CLASP1: variants seen among roughly 807,000 people sequenced by gnomAD.
The protein encoded by CLASP1 is CLIP-associating protein 1.
A neutral mutation model predicts 192.3 loss-of-function variants in CLASP1; 38 were observed. That is an observed-to-expected ratio of 0.20 (90% CI 0.15 to 0.26). The LOEUF is 0.26. CLASP1 is among the 10% of genes least tolerant of loss of function. The pLI, the probability that CLASP1 is intolerant of heterozygous loss-of-function variation, is 1.00. For synonymous variants in CLASP1, 691 were observed against 712.8 expected, an observed-to-expected ratio of 0.97 and a Z score of 0.49; for missense variants, 1,433 against 1,932.5, an observed-to-expected ratio of 0.74 and a Z score of 4.85.
intron 2 of CLASP1, chr2:121,531,029 C>CTTATCA (rs1311765177): frequency 3.4e-5 from 24 of 700,076 alleles, no homozygotes; most frequent in Admixed American, 6.0e-5. Flanking sequence ...TTTTCATAGA[C>CTTATCA]TTATCAGTTC....
intron 2 of CLASP1, among the ~76,000 whole-genome samples, chr2:121,582,582 A>C (rs1386837583): frequency 1.3e-5 from 2 of 150,758 alleles, no homozygotes; most frequent in Admixed American, 1.3e-4. Context: ...AAAGACAGGA[A>C]GACAGAAAGC....
At chr2:121,517,706 T>C (rs973130220) in intron 6 of CLASP1, among the ~76,000 whole-genome samples, 8 of 151,910 alleles carry the variant, frequency 5.3e-5, no homozygotes, top group Admixed American at 5.2e-4. Flanking sequence ...AAAATTTTTC[T>C]TAATTAGCTG....
chr2:121,421,003 T>C (rs902981892), intron 22 of CLASP1, among the ~76,000 whole-genome samples: 2 of 152,232 alleles, frequency 1.3e-5, no homozygotes, highest in Non-Finnish European at 2.9e-5. Context: ...TTCGAGCTGA[T>C]TTTCTCATTT....
intron 19 of CLASP1, among the ~76,000 whole-genome samples, chr2:121,431,991 C>A (rs2081507350): frequency 6.6e-6 from 1 of 152,064 alleles, no homozygotes; most frequent in African/African-American, 2.4e-5. Context: ...GATTAAAATG[C>A]CTGATTGTTT....
intron 1 of CLASP1, among the ~76,000 whole-genome samples, chr2:121,609,693 A>G (rs1318925293): frequency 1.3e-5 from 2 of 152,222 alleles, no homozygotes; most frequent in African/African-American, 4.8e-5. Flanking sequence ...CTGTAATCCC[A>G]AGACTTTGGG....
Position 121,382,549 on chromosome 2 carries a change from C to T in CLASP1, c.3375-225G>A, listed in dbSNP as rs888188371. Reference sequence around the variant, plus strand: ...CTGCTTTATTCTTTCCCCTCCCAAACGTGGAATGTGTTTACTACTTAAAAT... The same window carrying T: ...CTGCTTTATTCTTTCCCCTCCCAAATGTGGAATGTGTTTACTACTTAAAAT... On this transcript the variant is annotated intron_variant, in intron 32 of 39. Coordinates refer to ENST00000263710, the Ensembl canonical transcript of CLASP1. Among the ~76,000 whole-genome samples, 5 of 152,114 alleles carry T rather than the reference C, an allele frequency of 3.3e-5. No individual in the cohort carries two copies. The South Asian group carries it at 6.2e-4, about 19-fold the overall frequency.
intron 6 of CLASP1, among the ~76,000 whole-genome samples, 165 bp from the exon 7 acceptor site, chr2:121,515,927 G>T (rs974604889): frequency 6.6e-6 from 1 of 152,130 alleles, no homozygotes; most frequent in African/African-American, 2.4e-5. Context: ...TGTTTTGACA[G>T]TTTTCACTTT....
chr2:121,597,512 C>A (rs1009615518), intron 2 of CLASP1, among the ~76,000 whole-genome samples: 3 of 152,004 alleles, frequency 2.0e-5, no homozygotes, highest in African/African-American at 7.3e-5. Context: ...TGAATAGAAT[C>A]CGGGGCAGCA....
chr2:121,530,525 A>T (rs2094750059), intron 2 of CLASP1, 200 bp from the exon 3 acceptor site: 1 of 560,140 alleles, frequency 1.8e-6, no homozygotes, highest in East Asian at 2.8e-5. Flanking sequence ...TATAATGGAA[A>T]ATACTCGGTG....
intron 30 of CLASP1, among the ~76,000 whole-genome samples, chr2:121,388,848 A>G (rs1289925646): frequency 1.3e-5 from 2 of 152,230 alleles, no homozygotes; most frequent in Non-Finnish European, 2.9e-5. Flanking sequence ...AACCATAAAG[A>G]CTTTACAAAC....
chr2:121,457,905 A>G lies in CLASP1; in HGVS notation c.1315-148T>C, dbSNP rs971479598. On this transcript the variant is annotated intron_variant, in intron 13 of 39. Transcript: ENST00000263710. ...GAGTTTTAAAAGAAAAAAAGAATTC[A>G]CAGGATATTGTCAAAAGCCATTAGA... The G allele has an allele frequency of 2.0e-5, 12 of 589,894 alleles. No individual in the cohort carries two copies. The African/African-American group carries it at 2.3e-4, about 11-fold the overall frequency. 36.5% of individuals were successfully genotyped at this position (589,894 alleles called of 1,614,324 possible). A position where few individuals can be genotyped will look rare whatever the true frequency, so the allele number is the denominator to read the frequency against.
intron 1 of CLASP1, among the ~76,000 whole-genome samples, chr2:121,648,250 AC>A (rs954581603): frequency 3.3e-5 from 5 of 152,200 alleles, no homozygotes; most frequent in Non-Finnish European, 5.9e-5. Flanking sequence ...GGACTGTGGC[AC>A]CCAAATAGGG....
chr2:121,612,195 G>C (rs1171555348), intron 1 of CLASP1, among the ~76,000 whole-genome samples: 2 of 150,456 alleles, frequency 1.3e-5, no homozygotes, highest in African/African-American at 4.9e-5. Context: ...AGGAGGAGGA[G>C]TTACAGGCAG....
chr2:121,611,161 GAGT>G (rs2065378837), intron 1 of CLASP1, among the ~76,000 whole-genome samples: 1 of 143,110 alleles, frequency 7.0e-6, no homozygotes, highest in Non-Finnish European at 1.5e-5. Context: ...GGAGGAGGAG[GAGT>G]TGGAGGAGTT....
At chr2:121,351,189 A>T (rs2064321757) in intron 37 of CLASP1, among the ~76,000 whole-genome samples, 1 of 152,088 alleles carries the variant, frequency 6.6e-6, no homozygotes, top group Admixed American at 6.5e-5. Context: ...CACTCTCCAT[A>T]AAGCCCTTCT....
intron 30 of CLASP1, among the ~76,000 whole-genome samples, chr2:121,391,154 T>C (rs1488779739): frequency 6.6e-6 from 1 of 152,206 alleles, no homozygotes; most frequent in Non-Finnish European, 1.5e-5. Context: ...TCTCAAAAGC[T>C]TCCCAGAGCC....
intron 19 of CLASP1, among the ~76,000 whole-genome samples, chr2:121,444,560 G>A (rs975437873): frequency 6.6e-6 from 1 of 152,068 alleles, no homozygotes; most frequent in African/African-American, 2.4e-5. Context: ...AAGCACAAAA[G>A]GAAAGAAAAG....
intron 1 of CLASP1, among the ~76,000 whole-genome samples, chr2:121,640,335 G>A (rs1426815701): frequency 2.6e-5 from 4 of 152,108 alleles, no homozygotes; most frequent in Middle Eastern, 3.2e-3. Flanking sequence ...GAGCCTGCAC[G>A]TTGTGCACAT....
intron 1 of CLASP1, among the ~76,000 whole-genome samples, chr2:121,615,575 G>C (rs922305747): frequency 1.3e-5 from 2 of 151,910 alleles, no homozygotes; most frequent in Non-Finnish European, 2.9e-5. Flanking sequence ...GGTGGGCGGG[G>C]AAGTTCGAGA....
Sources: allele counts gnomAD v4.1 joint callset (sites outside exome capture counted in the v4.1 genomes callset), GRCh38; gene constraint gnomAD v4.1.1; transcripts MANE v1.5; gene names NCBI Gene and HGNC (gene_info 2026-07-23, HGNC 2026-07-21).